SP110: variants seen among roughly 807,000 people sequenced by gnomAD.
The protein encoded by SP110 is interferon-induced protein 41, 30kD.
A neutral mutation model predicts 92.7 loss-of-function variants in SP110; 62 were observed. That is an observed-to-expected ratio of 0.67 (90% confidence interval 0.55 to 0.83). SP110 has a LOEUF of 0.83. Ranked by LOEUF, SP110 falls within the 40% of genes least tolerant of loss-of-function variation. The pLI is 0.00. For missense variants in SP110, 793 were observed against 863.9 expected, an observed-to-expected ratio of 0.92 and a Z score of 1.03; for synonymous variants, 273 against 305.3, an observed-to-expected ratio of 0.89 and a Z score of 1.10.
intron 14 of SP110, among the ~76,000 whole-genome samples, chr2:230,175,800 C>T (rs146754339): frequency 1.9e-3 from 295 of 152,256 alleles, no homozygotes; most frequent in Admixed American, 2.0e-3. Context: ...AGTTCAAAGG[C>T]GTCATTCCAT....
chr2:230,199,566 C>T (rs183405908), intron 10 of SP110, among the ~76,000 whole-genome samples: 14 of 151,896 alleles, frequency 9.2e-5, no homozygotes, highest in African/African-American at 3.4e-4. Flanking sequence ...AGGAACTTTT[C>T]TATGTTGAAA....
In SP110 at chr2:230,177,643, A is replaced by C. The variant is rs891497587; in HGVS notation, c.1485T>G (p.Thr495=). 2 of 1,614,154 alleles carry C rather than the reference A, an allele frequency of 1.2e-6. No homozygotes were observed. Among genetic ancestry groups the C allele is most frequent in the Admixed American group, 1.7e-5 (1 of 60,024 alleles). Residue 495 remains threonine, a synonymous_variant, in exon 14 of 19, where the codon ACT becomes ACG. Transcript: ENST00000258381. ...SVKCIRNEDG[T]WLTPNEFEVE... ...CTTCAAATTCATTTGGTGTTAACCA[A>C]GTTCCATCCTCATTCCGAATGCACT...
At chr2:230,213,299 T>C (rs1163609125) in intron 3 of SP110, among the ~76,000 whole-genome samples, 2 of 152,258 alleles carry the variant, frequency 1.3e-5, no homozygotes, top group Non-Finnish European at 2.9e-5. Context: ...AGTTTGGGTT[T>C]GTACCCAGGG....
chr2:230,211,667 A>C lies in SP110; in HGVS notation c.668-114T>G. ...TAAAAATGACGGGGTAACAGCAACC[A>C]AGGCCTGGGAAAGGATGGCATAGAG... On this transcript the variant is annotated intron_variant, in intron 5 of 18. Coordinates refer to ENST00000258381, the MANE Select transcript of SP110 (RefSeq NM_080424.4). This position sits in a 1 kb window ranked among gnomAD's most constrained non-coding sequence, Gnocchi z 4.2. 1.4e-6 allele frequency: 1 copy of C among 735,170 alleles called. No homozygotes were observed. The highest frequency in any genetic ancestry group is 1.4e-5 in the South Asian group (1 of 69,224). The allele number at this position is 735,170 out of a possible 1,614,324, so 45.5% of individuals were successfully genotyped here. A position where few individuals can be genotyped will look rare whatever the true frequency, so the allele number is the denominator to read the frequency against.
At chr2:230,215,796 G>A (rs1230062805) in intron 2 of SP110, among the ~76,000 whole-genome samples, 2 of 152,310 alleles carry the variant, frequency 1.3e-5, no homozygotes, top group Non-Finnish European at 2.9e-5. Context: ...GAGAAGATGA[G>A]CATTAATAAA....
At chr2:230,174,092 G>T (rs1013489018) in intron 14 of SP110, 1 of 151,850 alleles carries the variant, frequency 6.6e-6, no homozygotes, top group African/African-American at 2.4e-5. Flanking sequence ...CATAGAAAAG[G>T]ATGGGGTTTG....
At chr2:230,221,602 G>A, upstream of SP110, 1 of 1,094,682 alleles carries the variant, frequency 9.1e-7, no homozygotes, top group South Asian at 1.3e-5. Context: ...AGGAGAGGGT[G>A]CATTGATGCC....
intron 10 of SP110, among the ~76,000 whole-genome samples, chr2:230,198,133 C>CCGGAAGTCCTT (rs780494562): frequency 0.15 from 22,245 of 152,246 alleles, 1,968 homozygotes; most frequent in South Asian, 0.27. Context: ...TGGAAGTCCT[C>CCGGAAGTCCTT]TGTAGGGCCC....
chr2:230,200,781 A>C (rs2043100604), intron 10 of SP110, 104 bp downstream of exon 10: 1 of 916,148 alleles, frequency 1.1e-6, no homozygotes, highest in East Asian at 2.4e-5. Context: ...CTAGCACAGT[A>C]ATAATGAAAA....
chr2:230,215,163 A>G (rs1376808935), intron 2 of SP110, 45 bp from the exon 3 acceptor site: 1 of 1,456,282 alleles, frequency 6.9e-7, no homozygotes, highest in Non-Finnish European at 9.6e-7. Flanking sequence ...TATAAAATTG[A>G]ATGGGAAGTT....
chr2:230,170,582 T>A (rs745821981), intron 18 of SP110, 39 bp downstream of exon 18: 2 of 1,613,026 alleles, frequency 1.2e-6, no homozygotes, highest in Non-Finnish European at 1.7e-6. Flanking sequence ...TAGGGGAAAG[T>A]AGAAAAGACG....
chr2:230,192,234 A>G (rs1482290571), intron 10 of SP110, among the ~76,000 whole-genome samples: 1 of 152,228 alleles, frequency 6.6e-6, no homozygotes, highest in Non-Finnish European at 1.5e-5. Flanking sequence ...CAAGACAAGG[A>G]TGCCCTCTCT....
In SP110 at chr2:230,165,731, T is replaced by A. The variant is rs1357820428; in HGVS notation, c.*3393A>T. 6.6e-6 allele frequency among the ~76,000 whole-genome samples: 1 copy of A among 151,648 alleles called. No individual in the cohort carries two copies. Among genetic ancestry groups the A allele is most frequent in the Non-Finnish European group, 1.5e-5 (1 of 67,916 alleles). ...ATTTTTGACTTTGACATTAAAAAAA[T>A]AAGTCAAAATGCATTGGGAAAACTT... is the stretch of plus-strand genomic sequence containing the variant. On this transcript the variant is annotated 3_prime_UTR_variant, in exon 19 of 19. Coordinates refer to ENST00000258381, the MANE Select transcript of SP110 (RefSeq NM_080424.4).
chr2:230,179,730 C>T (rs1025026186), intron 12 of SP110, among the ~76,000 whole-genome samples: 6 of 151,944 alleles, frequency 3.9e-5, no homozygotes, highest in Admixed American at 1.3e-4. Flanking sequence ...AATGTCTTCT[C>T]TAATTCCCTG....
chr2:230,208,034 C>A lies in SP110; in HGVS notation c.855G>T (p.Trp285Cys). ...TCTTATGTCTCCTTTTTGGAGTTGA[C>A]CAGATACATCTTTTTCTTTTCTTTC... is the stretch of plus-strand genomic sequence containing the variant. ...KKGKKRKRCI[W>C]STPKRRHKKK... The change falls in exon 8 of 19, where the codon TGG becomes TGT. Residue 285 changes from tryptophan to cysteine, a missense_variant. By Grantham distance (215) the Trp-to-Cys change is radical (BLOSUM62 -2). Coordinates refer to ENST00000258381, the MANE Select transcript of SP110 (RefSeq NM_080424.4). 5.1e-6 allele frequency: 8 copies of A among 1,562,902 alleles called. No individual in the cohort carries two copies. Among genetic ancestry groups the A allele is most frequent in the Non-Finnish European group, 7.0e-6 (8 of 1,135,580 alleles).
rs761258911 is a variant in SP110, at chr2:230,169,078, C to A, written c.*46G>T. On this transcript the variant is annotated 3_prime_UTR_variant, in exon 19 of 19. Transcript: ENST00000258381. ...TCAACAGTCCAAGCCAGGGTCCCAT[C>A]AGCTGAATCCTGAGGTGGGGATGCT... The A allele has an allele frequency of 7.8e-7, 1 of 1,275,122 alleles. No individual in the cohort carries two copies. Among genetic ancestry groups the A allele is most frequent in the Non-Finnish European group, 1.1e-6 (1 of 871,264 alleles). The allele number at this position is 1,275,122 out of a possible 1,614,324, so 79.0% of individuals were successfully genotyped here.
At chr2:230,198,068 T>G (rs1324800521) in intron 10 of SP110, among the ~76,000 whole-genome samples, 3 of 152,202 alleles carry the variant, frequency 2.0e-5, no homozygotes, top group Admixed American at 6.5e-5. Context: ...CATTGAAAAG[T>G]GTATTTCTCT....
chr2:230,199,154 T>TATTA (rs1559160092), intron 10 of SP110, among the ~76,000 whole-genome samples: 4 of 111,616 alleles, frequency 3.6e-5, no homozygotes, highest in Non-Finnish European at 7.0e-5. Context: ...TATTATTTTT[T>TATTA]TTTTTTTTTA....
At chr2:230,209,895 C>A in intron 7 of SP110, 36 bp downstream of exon 7, 1 of 1,230,956 alleles carries the variant, frequency 8.1e-7, no homozygotes, top group Non-Finnish European at 1.2e-6. Context: ...TCTGAATTCA[C>A]CCTTCTGACC....
Sources: allele counts gnomAD v4.1 joint callset (sites outside exome capture counted in the v4.1 genomes callset), GRCh38; gene constraint gnomAD v4.1.1; non-coding constraint Gnocchi (gnomAD v3.1); transcripts MANE v1.5; gene names NCBI Gene and HGNC (gene_info 2026-07-23, HGNC 2026-07-21).